The following FHOD3 variants were observed in gnomAD, a reference collection of about 807,000 sequenced individuals.
The protein encoded by FHOD3 is FH1/FH2 domain-containing protein 3.
Under a neutral mutation model 173.0 loss-of-function variants are expected in FHOD3, and 90 were observed. The observed-to-expected ratio is 0.52, with a 90% CI of 0.44 to 0.62. FHOD3 has a LOEUF of 0.62. Ranked by LOEUF, FHOD3 falls within the 20% of genes least tolerant of loss-of-function variation. FHOD3 has a pLI of 0.00. For missense variants in FHOD3, 1,945 were observed against 2,034.7 expected, an observed-to-expected ratio of 0.96 and a Z score of 0.85; for synonymous variants, 828 against 823.0, an observed-to-expected ratio of 1.01 and a Z score of -0.10.
chr18:36,515,070 T>C (rs2055888732), intron 5 of FHOD3, among the ~76,000 whole-genome samples: 1 of 152,206 alleles, frequency 6.6e-6, no homozygotes, highest in East Asian at 1.9e-4. Context: ...GAGGGAATCC[T>C]TGTGCATGGG....
intron 8 of FHOD3, among the ~76,000 whole-genome samples, chr18:36,608,628 C>G (rs896213926): frequency 6.6e-6 from 1 of 152,094 alleles, no homozygotes; most frequent in African/African-American, 2.4e-5. Context: ...GCATAGTATT[C>G]CCCCATGTTA....
At chr18:36,392,739 T>C (rs73949465) in intron 3 of FHOD3, among the ~76,000 whole-genome samples, 7,479 of 152,302 alleles carry the variant, frequency 0.049, 625 homozygotes, top group African/African-American at 0.17. Flanking sequence ...TTGTACCTCA[T>C]AGATTCTTTT....
At chr18:36,421,644 T>G (rs2049992016) in intron 3 of FHOD3, among the ~76,000 whole-genome samples, 1 of 152,226 alleles carries the variant, frequency 6.6e-6, no homozygotes, top group Admixed American at 6.5e-5. Flanking sequence ...TCCAGGGGTG[T>G]TGCTGGCAGA....
rs961487137 is a variant in FHOD3 at position 36,591,063 on chromosome 18, G to A, written c.607-3724G>A. ...ACCCACTGAGGAAGTTGCCAAGCCTGAACTTGCTAGGTCTTTTTATTTACT... is the reference window on the plus strand; with the variant it reads ...ACCCACTGAGGAAGTTGCCAAGCCTAAACTTGCTAGGTCTTTTTATTTACT... On this transcript the variant is annotated intron_variant, in intron 6 of 28. Coordinates refer to ENST00000590592, the MANE Select transcript of FHOD3 (RefSeq NM_001281740.3). 4.6e-5 allele frequency among the ~76,000 whole-genome samples: 7 copies of A among 152,202 alleles called. No homozygotes were observed. In the East Asian group the frequency reaches 1.3e-3, roughly 29 times the overall value.
intron 1 of FHOD3, among the ~76,000 whole-genome samples, chr18:36,345,832 C>T (rs555600615): frequency 6.6e-6 from 1 of 152,236 alleles, no homozygotes; most frequent in African/African-American, 2.4e-5. Context: ...TTTAAAAAGA[C>T]ATTAATAAAG....
intron 9 of FHOD3, among the ~76,000 whole-genome samples, chr18:36,618,310 G>GTTTTTTTTTTTTTT (rs1465774220): frequency 2.3e-5 from 2 of 85,226 alleles, no homozygotes; most frequent in African/African-American, 4.1e-5. Flanking sequence ...GTTTTTTGGT[G>GTTTTTTTTTTTTTT]GTTTTTTTTT....
At chr18:36,332,064 T>G (rs942255982) in intron 1 of FHOD3, among the ~76,000 whole-genome samples, 1 of 152,154 alleles carries the variant, frequency 6.6e-6, no homozygotes, top group African/African-American at 2.4e-5. Flanking sequence ...ACCAGTCCCT[T>G]CCTCCTGCAG....
chr18:36,777,177 G>A (rs1347121865), intron 28 of FHOD3, among the ~76,000 whole-genome samples: 1 of 149,442 alleles, frequency 6.7e-6, no homozygotes, highest in African/African-American at 2.5e-5. Flanking sequence ...AGTGCAGCAT[G>A]AACTACTTCT....
intron 3 of FHOD3, among the ~76,000 whole-genome samples, chr18:36,394,624 G>C (rs2048461629): frequency 6.6e-6 from 1 of 152,194 alleles, no homozygotes; most frequent in Non-Finnish European, 1.5e-5. Flanking sequence ...ACCCAAGGAG[G>C]CTTCTGAATC....
intron 5 of FHOD3, among the ~76,000 whole-genome samples, chr18:36,537,124 G>A (rs1813526610): frequency 6.6e-6 from 1 of 152,124 alleles, no homozygotes; most frequent in Admixed American, 6.5e-5. Flanking sequence ...TTCAGGTGTA[G>A]CTTCCAGGTA....
chr18:36,314,086 A>T (rs911125318), intron 1 of FHOD3, among the ~76,000 whole-genome samples: 1 of 152,192 alleles, frequency 6.6e-6, no homozygotes, highest in African/African-American at 2.4e-5. Flanking sequence ...TGAACTTCAG[A>T]ATGTAAGCAC....
chr18:36,448,280 G>A (rs572802388), intron 3 of FHOD3, among the ~76,000 whole-genome samples: 1 of 152,192 alleles, frequency 6.6e-6, no homozygotes, highest in African/African-American at 2.4e-5. Flanking sequence ...TGTATTTTCT[G>A]TGTAGGTTCA....
chr18:36,489,065 G>T (rs1407789968), intron 3 of FHOD3, among the ~76,000 whole-genome samples: 3 of 152,162 alleles, frequency 2.0e-5, no homozygotes, highest in African/African-American at 7.2e-5. Context: ...AGTTTTTGCT[G>T]TGTGGGGCTG....
chr18:36,524,845 T>G (rs1478517452), intron 5 of FHOD3, among the ~76,000 whole-genome samples: 1 of 152,192 alleles, frequency 6.6e-6, no homozygotes, highest in Admixed American at 6.5e-5. Context: ...GTTCATTCAG[T>G]CATCACCAAG....
intron 1 of FHOD3, among the ~76,000 whole-genome samples, chr18:36,298,721 C>G (rs1287462776): frequency 2.0e-5 from 3 of 151,566 alleles, no homozygotes; most frequent in African/African-American, 7.3e-5. Flanking sequence ...ATGAGTGTCC[C>G]CTGGGAAGAA....
At chr18:36,657,668 A>C (rs995750932) in intron 13 of FHOD3, among the ~76,000 whole-genome samples, 1 of 152,264 alleles carries the variant, frequency 6.6e-6, no homozygotes, top group Non-Finnish European at 1.5e-5. Context: ...TTAGCCAACC[A>C]TATGGTATTT....
chr18:36,437,673 T>TC (rs2050887138), intron 3 of FHOD3, among the ~76,000 whole-genome samples: 2 of 123,318 alleles, frequency 1.6e-5, no homozygotes, highest in African/African-American at 2.9e-5. Context: ...TTCTTTTTTT[T>TC]TTTTTTTTTA....
chr18:36,392,686 G>A (rs1461606164), intron 3 of FHOD3, among the ~76,000 whole-genome samples: 3 of 152,320 alleles, frequency 2.0e-5, no homozygotes, highest in South Asian at 2.1e-4. Context: ...TCCTGCTTCC[G>A]CTTCGTCTGA....
chr18:36,612,344 T>C (rs2148627362), intron 9 of FHOD3, among the ~76,000 whole-genome samples: 1 of 152,270 alleles, frequency 6.6e-6, no homozygotes, highest in Middle Eastern at 3.4e-3. Context: ...TAGGGGAAAT[T>C]GGTTAGCTAT....
Sources: allele counts gnomAD v4.1 joint callset (sites outside exome capture counted in the v4.1 genomes callset), GRCh38; gene constraint gnomAD v4.1.1; transcripts MANE v1.5; gene names NCBI Gene and HGNC (gene_info 2026-07-23, HGNC 2026-07-21).